The following HSPA14 variants were observed in gnomAD, a reference collection of about 807,000 sequenced individuals.
HSPA14 encodes the protein heat shock protein family A (Hsp70) member 14.
In HSPA14, 37 loss-of-function variants were observed where a neutral mutation model predicts 65.5. The ratio of observed to expected loss-of-function variants is 0.56; its 90% confidence interval spans 0.43 to 0.74. HSPA14 has a LOEUF of 0.74. HSPA14 is among the 30% of genes least tolerant of loss of function. The pLI is 0.00. For synonymous variants in HSPA14, 203 were observed against 214.2 expected, an observed-to-expected ratio of 0.95 and a Z score of 0.46; for missense variants, 564 against 607.6, an observed-to-expected ratio of 0.93 and a Z score of 0.75.
intron 1 of HSPA14, 130 bp downstream of exon 1, chr10:14,838,589 C>A: frequency 1.1e-6 from 1 of 878,766 alleles, no homozygotes; most frequent in Non-Finnish European, 1.7e-6. Context: ...GCCGCGAGGA[C>A]ACTCCGGAGC....
chr10:14,846,610 C>A, intron 3 of HSPA14: 1 of 962,266 alleles, frequency 1.0e-6, no homozygotes, highest in East Asian at 1.1e-4. Flanking sequence ...TCCAGCATTC[C>A]ATAACTCAGG....
Position 14,870,796 on chromosome 10 carries a change from G to GA in HSPA14, c.1451+131dup, listed in dbSNP as rs1196957665. On this transcript the variant is annotated intron_variant, in intron 13 of 13. Coordinates refer to ENST00000378372, the MANE Select transcript of HSPA14 (RefSeq NM_016299.4). ...AAAACCTACAGAGGTTTTTATCAGT[G>GA]AATTACATTTTTTGCCCCCAGAATT... The GA allele has an allele frequency of 9.2e-6, 8 of 873,224 alleles. No homozygotes were observed. The African/African-American group carries it at 1.4e-4, about 15-fold the overall frequency. The allele number at this position is 873,224 out of a possible 1,614,324, so 54.1% of individuals were successfully genotyped here. A position where few individuals can be genotyped will look rare whatever the true frequency, so the allele number is the denominator to read the frequency against.
intron 3 of HSPA14, chr10:14,843,599 C>A: frequency 6.4e-7 from 1 of 1,550,576 alleles, no homozygotes; most frequent in Non-Finnish European, 8.7e-7. Flanking sequence ...ACCAGTGAGC[C>A]CCCTCCAAGG....
intron 3 of HSPA14, among the ~76,000 whole-genome samples, chr10:14,847,262 G>A (rs1297443416): frequency 6.6e-6 from 1 of 152,152 alleles, no homozygotes; most frequent in Non-Finnish European, 1.5e-5. Context: ...ACGCACAACA[G>A]TATAAATTGT....
rs944591423 is a variant in HSPA14, at chr10:14,867,905, C to G, written c.1376C>G (p.Ala459Gly). Reference protein sequence around the residue: ...KNSAKEETKFAQVVLQDLDKK... With the variant: ...KNSAKEETKFGQVVLQDLDKK... ...TCTGCCAAAGAGGAAACCAAGTTTG[C>G]ACAGGTGAATACATAAAGTTAGACA... The change falls in exon 12 of 14, where the codon GCA becomes GGA. Residue 459 changes from alanine to glycine, a missense_variant. Transcript: ENST00000378372. 1 of 1,612,392 alleles carries G rather than the reference C, an allele frequency of 6.2e-7. No homozygotes were observed. The highest frequency in any genetic ancestry group is 1.1e-5 in the South Asian group (1 of 90,802).
At chr10:14,850,632 T>C (rs1171988663) in intron 6 of HSPA14, 2 of 152,256 alleles carry the variant, frequency 1.3e-5, no homozygotes, top group Non-Finnish European at 2.9e-5. Flanking sequence ...AACTGAACAC[T>C]AGATTAAAGA....
intron 10 of HSPA14, among the ~76,000 whole-genome samples, chr10:14,861,749 C>A (rs1832751524): frequency 6.6e-6 from 1 of 152,086 alleles, no homozygotes; most frequent in African/African-American, 2.4e-5. Context: ...CTCGGTAGCT[C>A]ACACCTGTAA....
In HSPA14 at chr10:14,862,089, C is replaced by T. The variant is rs747255378; in HGVS notation, c.994-4994C>T. On this transcript the variant is annotated intron_variant, in intron 10 of 13. Transcript: ENST00000378372. ...TCACCCAGGTTGGAGTGCAGTGGCA[C>T]GATCTCGGCTCACTGTAAGCTCTGC... Among the ~76,000 whole-genome samples, 59 of 150,478 alleles carry T rather than the reference C, an allele frequency of 3.9e-4. 1 individual carries two copies. The highest frequency in any genetic ancestry group is 7.2e-4 in the Non-Finnish European group (49 of 67,686).
In HSPA14 at chr10:14,855,882, G is replaced by T. The variant is rs764579068; in HGVS notation, c.932G>T (p.Cys311Phe). Residue 311 changes from cysteine (C) to phenylalanine (F), a missense_variant, in exon 10 of 14, where the codon TGT becomes TTT. Physicochemically the swap from Cys to Phe is radical, Grantham distance 205. Transcript: ENST00000378372. ...CTTTGTTCTCCACTTTTTAATAAGT[G>T]TATAGAAGCAATCAGAGGACTCTTA... ...ELLCSPLFNKCIEAIRGLLDQ... is the reference protein window; with the variant it reads ...ELLCSPLFNKFIEAIRGLLDQ... 7.5e-6 allele frequency: 12 copies of T among 1,608,780 alleles called. No homozygotes were observed. In the Admixed American group the frequency reaches 1.2e-4, roughly 16 times the overall value.
At position 14,854,192 on chromosome 10, in the gene HSPA14, G is replaced by C; in HGVS notation, c.802G>C (p.Ala268Pro). ...MMKLTNSAEV[A>P]KHSLSTLGSA... ...GAAATTAACGAACAGTGCTGAAGTAGCGAAACATTCTTTGTCAACCTTGGG... is the reference window on the plus strand; with the variant it reads ...GAAATTAACGAACAGTGCTGAAGTACCGAAACATTCTTTGTCAACCTTGGG... The change falls in exon 9 of 14, where the codon GCG becomes CCG. Residue 268 changes from alanine to proline, a missense_variant. Ala to Pro is a conservative substitution (Grantham distance 27). Coordinates refer to ENST00000378372, the MANE Select transcript of HSPA14 (RefSeq NM_016299.4). The C allele has an allele frequency of 6.2e-7, 1 of 1,613,786 alleles. No homozygotes were observed. The highest frequency in any genetic ancestry group is 8.5e-7 in the Non-Finnish European group (1 of 1,179,834).
intron 10 of HSPA14, among the ~76,000 whole-genome samples, chr10:14,864,000 A>G (rs1043654892): frequency 2.6e-5 from 4 of 151,916 alleles, no homozygotes; most frequent in Admixed American, 2.6e-4. Flanking sequence ...GCCACCTACA[A>G]GCCACGAAAA....
At chr10:14,845,503 G>A in intron 3 of HSPA14, 1 of 985,380 alleles carries the variant, frequency 1.0e-6, no homozygotes, top group Non-Finnish European at 1.2e-6. Flanking sequence ...GGCTGGTGTG[G>A]TAGAATATGT....
At position 14,865,008 on chromosome 10, in the gene HSPA14, G is replaced by C. The variant is rs527336978; in HGVS notation, c.994-2075G>C. On this transcript the variant is annotated intron_variant, in intron 10 of 13. Transcript: ENST00000378372. ...GTTGTTTCCTGACTTTTTAATGATCGCCATTCTAACTGGTGTGAGATGGTA... is the reference window on the plus strand; with the variant it reads ...GTTGTTTCCTGACTTTTTAATGATCCCCATTCTAACTGGTGTGAGATGGTA... Among the ~76,000 whole-genome samples, 22 of 152,064 alleles carry C rather than the reference G, an allele frequency of 1.4e-4. No homozygotes were observed. In the East Asian group the frequency reaches 3.3e-3, roughly 23 times the overall value.
At position 14,844,887 on chromosome 10, in the gene HSPA14, T is replaced by C; in HGVS notation, c.222-3722T>C. ...TTCATTCTTTTCTGTTATTTTTTTG[T>C]CTAGTATGTTATACAGGGCAAGCCC... is the stretch of plus-strand genomic sequence containing the variant. On this transcript the variant is annotated intron_variant, in intron 3 of 13. Transcript: ENST00000378372. 3.0e-6 allele frequency: 3 copies of C among 985,468 alleles called. No homozygotes were observed. The South Asian group carries it at 1.4e-4, about 46-fold the overall frequency. 61.0% of individuals were successfully genotyped at this position (985,468 alleles called of 1,614,324 possible).
At position 14,867,792 on chromosome 10, in the gene HSPA14, T is replaced by G. The variant is rs749390447; in HGVS notation, c.1263T>G (p.Pro421=). Residue 421 remains proline, a synonymous_variant, in exon 12 of 14, where the codon CCT becomes CCG. Coordinates refer to ENST00000378372, the MANE Select transcript of HSPA14 (RefSeq NM_016299.4). ...RFTVLFPSGT[P]LPARRQHTLQ... is the part of the protein sequence containing the mutation. ...CAGTGCTGTTTCCATCAGGGACTCC[T>G]TTGCCAGCTCGAAGACAACACACAT... 2.5e-5 allele frequency: 41 copies of G among 1,614,046 alleles called. No homozygotes were observed. The highest frequency in any genetic ancestry group is 5.0e-5 in the Admixed American group (3 of 60,004).
At chr10:14,843,736 G>A (rs1834006807) in intron 3 of HSPA14, 2 of 1,537,010 alleles carry the variant, frequency 1.3e-6, no homozygotes, top group Non-Finnish European at 1.7e-6. Flanking sequence ...TGCTATTGGT[G>A]AGGAGGCCAG....
chr10:14,870,803 A>G, intron 13 of HSPA14, 136 bp downstream of exon 13: 1 of 795,248 alleles, frequency 1.3e-6, no homozygotes, highest in Non-Finnish European at 1.8e-6. Context: ...AGTGAATTAC[A>G]TTTTTTGCCC....
At chr10:14,844,407 TCTTTC>T (rs1198077847) in intron 3 of HSPA14, 2 of 994,538 alleles carry the variant, frequency 2.0e-6, no homozygotes, top group Non-Finnish European at 1.2e-6. Context: ...ATTGCTTGAA[TCTTTC>T]CTTTGCTGGT....
At chr10:14,849,247 C>G (rs953707337) in intron 5 of HSPA14, among the ~76,000 whole-genome samples, 1 of 152,212 alleles carries the variant, frequency 6.6e-6, no homozygotes, top group Non-Finnish European at 1.5e-5. Context: ...CTGATTTTAT[C>G]AGCAGTTCAG....
Sources: gnomAD v4.1 joint callset for allele counts (sites outside exome capture counted in the v4.1 genomes callset) on GRCh38, gnomAD v4.1.1 for gene constraint, MANE v1.5 for transcripts, NCBI Gene and HGNC (gene_info 2026-07-23, HGNC 2026-07-21) for gene names.